Variants in FAM227B observed in about 807,000 individuals in gnomAD.
The protein encoded by FAM227B is protein FAM227B.
In FAM227B, 88 loss-of-function variants were observed where a neutral mutation model predicts 73.8. The ratio of observed to expected loss-of-function variants is 1.19; its 90% CI spans 1.00 to 1.42. FAM227B has a LOEUF of 1.42. Among genes scored for constraint, FAM227B ranks in the 40% most tolerant of loss-of-function variants. The probability of loss-of-function intolerance (pLI) is 0.00; values close to 1 mark genes in which losing one functional copy is unlikely to be tolerated. For synonymous variants in FAM227B, 210 were observed against 190.5 expected, an observed-to-expected ratio of 1.10 and a Z score of -0.84; for missense variants, 632 against 590.9, an observed-to-expected ratio of 1.07 and a Z score of -0.72.
chr15:49,508,177 A>G, intron 11 of FAM227B, 34 bp downstream of exon 11: 1 of 1,581,936 alleles, frequency 6.3e-7, no homozygotes, highest in Non-Finnish European at 8.6e-7. Flanking sequence ...TTTGCTACCT[A>G]TTCCATTTGG....
At chr15:49,595,749 A>C (rs1424518538) in intron 3 of FAM227B, among the ~76,000 whole-genome samples, 1 of 151,904 alleles carries the variant, frequency 6.6e-6, no homozygotes, top group African/African-American at 2.4e-5. Flanking sequence ...AAAACTCCAG[A>C]GAAATACATA....
chr15:49,566,394 C>T (rs2074661413), intron 9 of FAM227B, among the ~76,000 whole-genome samples: 1 of 152,054 alleles, frequency 6.6e-6, no homozygotes, highest in Admixed American at 6.6e-5. Context: ...AATATCCTGC[C>T]TTCAGGAGAT....
chr15:49,615,052 T>C (rs1024726504), intron 2 of FAM227B, 69 bp downstream of exon 2: 1 of 1,443,250 alleles, frequency 6.9e-7, no homozygotes, highest in African/African-American at 1.4e-5. Flanking sequence ...CTGGGAGCCC[T>C]GATTACCTGA....
intron 11 of FAM227B, chr15:49,484,247 C>T (rs895962150): frequency 1.4e-5 from 17 of 1,207,590 alleles, no homozygotes; most frequent in Middle Eastern, 2.8e-4. Flanking sequence ...GCTTACTCTT[C>T]GTTTAATTGA....
chr15:49,443,506 C>T (rs1212937919), intron 11 of FAM227B, among the ~76,000 whole-genome samples: 1 of 151,388 alleles, frequency 6.6e-6, no homozygotes, highest in African/African-American at 2.4e-5. Context: ...GCGAATGATA[C>T]AAAAATGTTA....
intron 11 of FAM227B, chr15:49,395,992 A>G (rs878955192): frequency 4.4e-6 from 2 of 455,992 alleles, no homozygotes; most frequent in South Asian, 1.5e-5. Flanking sequence ...GGGGGCGAGG[A>G]GCCAAGATGG....
At chr15:49,394,753 T>G (rs969314133) in intron 11 of FAM227B, among the ~76,000 whole-genome samples, 15 of 152,146 alleles carry the variant, frequency 9.9e-5, no homozygotes, top group African/African-American at 3.6e-4. Flanking sequence ...AGAAAGGACT[T>G]CAGTGAGTTA....
At chr15:49,600,654 C>CAA (rs776786703) in intron 3 of FAM227B, among the ~76,000 whole-genome samples, 1,357 of 107,170 alleles carry the variant, frequency 0.013, 22 homozygotes, top group African/African-American at 0.044. Flanking sequence ...GACCACATCT[C>CAA]AAAAAAAAAA....
intron 13 of FAM227B, among the ~76,000 whole-genome samples, chr15:49,357,549 A>C (rs895140731): frequency 1.3e-5 from 2 of 151,976 alleles, no homozygotes; most frequent in Non-Finnish European, 2.9e-5. Context: ...AAGAAGTTGA[A>C]TCTCTGAACA....
Position 49,588,023 on chromosome 15 carries a change from T to A in FAM227B, c.398A>T (p.Lys133Met), listed in dbSNP as rs755337204. The A allele has an allele frequency of 6.9e-7, 1 of 1,446,762 alleles. No individual in the cohort carries two copies. The highest frequency in any genetic ancestry group is 2.4e-5 in the Admixed American group (1 of 40,924). 89.6% of individuals were successfully genotyped at this position (1,446,762 alleles called of 1,614,324 possible). A position where few individuals can be genotyped will look rare whatever the true frequency, so the allele number is the denominator to read the frequency against. Reference sequence around the variant, plus strand: ...AAAACATAGATACCATACCATTATCTTTTTTTTCTTATGGTACTTCTTTAG... The same window carrying A: ...AAAACATAGATACCATACCATTATCATTTTTTTCTTATGGTACTTCTTTAG... ...EFLKKYHKKK[K>M]IMLSDEMETE... is the part of the protein sequence containing the mutation. Residue 133 changes from lysine (K) to methionine (M), a missense_variant, in exon 5 of 16, where the codon AAG (lysine) becomes ATG (methionine). Coordinates refer to ENST00000299338, the MANE Select transcript of FAM227B (RefSeq NM_152647.3).
At chr15:49,591,029 G>GTTTTTTTTTTTTTTGTTTTTTTTTTTTT (rs2076507060) in intron 3 of FAM227B, among the ~76,000 whole-genome samples, 1 of 105,608 alleles carries the variant, frequency 9.5e-6, no homozygotes, top group Non-Finnish European at 2.0e-5. Flanking sequence ...TCTTTTTTTT[G>GTTTTTTTTTTTTTTGTTTTTTTTTTTTT]TTTTTTTTTT....
intron 13 of FAM227B, among the ~76,000 whole-genome samples, chr15:49,340,390 G>A (rs892002817): frequency 4.1e-5 from 6 of 146,692 alleles, no homozygotes; most frequent in African/African-American, 1.5e-4. Flanking sequence ...CTTCCTGGGT[G>A]AGGCAGTGCC....
chr15:49,335,577 G>T, intron 13 of FAM227B, 81 bp from the exon 14 acceptor site: 1 of 965,664 alleles, frequency 1.0e-6, no homozygotes, highest in African/African-American at 1.6e-5. Context: ...AGGAACCAAG[G>T]GGACCGTGTG....
chr15:49,596,501 CAAAA>C (rs2076891858), intron 3 of FAM227B, among the ~76,000 whole-genome samples: 13 of 151,338 alleles, frequency 8.6e-5, no homozygotes, highest in Admixed American at 7.9e-4. Context: ...CAAAACAAAA[CAAAA>C]CAAAATAGAA....
At chr15:49,536,765 CAT>C (rs749646821) in intron 10 of FAM227B, among the ~76,000 whole-genome samples, 7 of 151,784 alleles carry the variant, frequency 4.6e-5, no homozygotes, top group Non-Finnish European at 7.4e-5. Flanking sequence ...AAATGACAAA[CAT>C]ATGTGGTGAA....
intron 11 of FAM227B, among the ~76,000 whole-genome samples, chr15:49,444,139 G>A (rs1404679111): frequency 1.3e-5 from 2 of 151,486 alleles, no homozygotes; most frequent in Non-Finnish European, 3.0e-5. Flanking sequence ...GGCATTGCTG[G>A]GATAGCAGAA....
At chr15:49,354,305 G>T (rs139884542) in intron 13 of FAM227B, among the ~76,000 whole-genome samples, 5 of 151,974 alleles carry the variant, frequency 3.3e-5, no homozygotes, top group African/African-American at 4.8e-5. Flanking sequence ...CGCAGAAGAC[G>T]GGTGATTTCT....
At chr15:49,605,275 TG>T (rs2077445264) in intron 3 of FAM227B, among the ~76,000 whole-genome samples, 1 of 152,140 alleles carries the variant, frequency 6.6e-6, no homozygotes, top group Admixed American at 6.5e-5. Context: ...GTTCAGTATG[TG>T]GGCAGGCCTG....
At chr15:49,551,684 T>A (rs2073041718) in intron 9 of FAM227B, among the ~76,000 whole-genome samples, 1 of 152,222 alleles carries the variant, frequency 6.6e-6, no homozygotes, top group Non-Finnish European at 1.5e-5. Context: ...TTTGCTCCTG[T>A]CTTACTGTAG....
Sources: gnomAD v4.1 joint callset for allele counts (sites outside exome capture counted in the v4.1 genomes callset) on GRCh38, gnomAD v4.1.1 for gene constraint, MANE v1.5 for transcripts, NCBI Gene and HGNC (gene_info 2026-07-23, HGNC 2026-07-21) for gene names.